The following FGFR2 variants were observed in gnomAD, a reference collection of about 807,000 sequenced individuals.
The protein encoded by FGFR2 is BEK fibroblast growth factor receptor.
In FGFR2, 19 loss-of-function variants were observed where a neutral mutation model predicts 95.9. The observed-to-expected ratio is 0.20, with a 90% CI of 0.14 to 0.29. The LOEUF (loss-of-function observed/expected upper bound fraction) is 0.29. Among genes scored for constraint, FGFR2 ranks in the 10% least tolerant of loss-of-function variants. The pLI, the probability that FGFR2 is intolerant of heterozygous loss-of-function variation, is 1.00. For synonymous variants in FGFR2, 392 were observed against 393.3 expected (o/e 1.00, Z 0.04); for missense variants, 707 against 1,056.9 (o/e 0.67, Z 4.59).
At chr10:121,511,190 A>C (rs922433193) in intron 9 of FGFR2, among the ~76,000 whole-genome samples, 5 of 152,024 alleles carry the variant, frequency 3.3e-5, no homozygotes, top group African/African-American at 7.2e-5. Flanking sequence ...CAAAAAAAAA[A>C]CCACCCTGCA....
In FGFR2 at chr10:121,520,707, A is replaced by G. The variant is rs568351697; in HGVS notation, c.749-538T>C. Among the ~76,000 whole-genome samples the G allele has an allele frequency of 5.3e-5, 8 of 152,280 alleles. 1 individual carries two copies. Among genetic ancestry groups the G allele is most frequent in the Middle Eastern group, 6.8e-3 (2 of 294 alleles). ...GCCCAGGCTGGAGTGCAGTGGCATG[A>G]TCACGGCTCACTGCAGCCTCAGCCT... On this transcript the variant is annotated intron_variant, in intron 6 of 17. Coordinates refer to ENST00000358487, the MANE Select transcript of FGFR2 (RefSeq NM_000141.5).
intron 4 of FGFR2, among the ~76,000 whole-genome samples, chr10:121,555,377 CAA>C (rs1376028762): frequency 4.1e-5 from 6 of 146,630 alleles, no homozygotes; most frequent in Non-Finnish European, 7.7e-5. Context: ...CTGTCTCAAT[CAA>C]TCAATCAATC....
At chr10:121,570,207 A>G (rs1858419466) in intron 2 of FGFR2, among the ~76,000 whole-genome samples, 1 of 152,204 alleles carries the variant, frequency 6.6e-6, no homozygotes. Flanking sequence ...CCTTGGGTCC[A>G]TTTGCCGTCC....
At chr10:121,554,132 G>A (rs1855781642) in intron 4 of FGFR2, among the ~76,000 whole-genome samples, 1 of 152,068 alleles carries the variant, frequency 6.6e-6, no homozygotes, top group Admixed American at 6.6e-5. Flanking sequence ...GCAGGGTACG[G>A]GTGCAGTGCT....
chr10:121,564,336 C>A, intron 4 of FGFR2, 166 bp downstream of exon 4: 1 of 668,692 alleles, frequency 1.5e-6, no homozygotes, highest in Non-Finnish European at 2.7e-6. Context: ...TGCAGCAACA[C>A]TGGTTTATTC....
chr10:121,488,183 T>C, intron 13 of FGFR2, 70 bp from the exon 14 acceptor site: 1 of 1,591,106 alleles, frequency 6.3e-7, no homozygotes, highest in South Asian at 1.1e-5. Flanking sequence ...GGAAATATGT[T>C]CATTTCTTAA....
intron 2 of FGFR2, among the ~76,000 whole-genome samples, chr10:121,577,178 T>TATATATAGAGAGAGAGAGAGAG: frequency 2.9e-3 from 15 of 5,210 alleles, no homozygotes; most frequent in Non-Finnish European, 3.7e-3. Context: ...TATATATATA[T>TATATATAGAGAGAGAGAGAGAG]AGAGAGAGAG....
chr10:121,532,455 G>A (rs1852214620), intron 6 of FGFR2, among the ~76,000 whole-genome samples: 1 of 152,174 alleles, frequency 6.6e-6, no homozygotes, highest in South Asian at 2.1e-4. Context: ...GAGCAGGAAT[G>A]ACTGAATCTT....
chr10:121,534,201 C>T lies in FGFR2; in HGVS notation c.748+4391G>A, dbSNP rs138300703. Among the ~76,000 whole-genome samples the T allele has an allele frequency of 3.7e-3, 542 of 147,220 alleles. 4 individuals are homozygous for T. The highest frequency in any genetic ancestry group is 0.03 in the East Asian group (148 of 4,994). ...GCAACCTCTGCCTCCTGCGTTCAAG[C>T]GATTCTCCTGCCTCAGCCTCCTGAG... is the stretch of plus-strand genomic sequence containing the variant. On this transcript the variant is annotated intron_variant, in intron 6 of 17. Coordinates refer to ENST00000358487, the MANE Select transcript of FGFR2 (RefSeq NM_000141.5).
chr10:121,579,696 C>T (rs2135334785), intron 2 of FGFR2, among the ~76,000 whole-genome samples: 1 of 152,296 alleles, frequency 6.6e-6, no homozygotes, highest in South Asian at 2.1e-4. Context: ...AGAACCCCAG[C>T]AGGGCTCAGG....
chr10:121,513,736 CT>C (rs1647013797), intron 9 of FGFR2, among the ~76,000 whole-genome samples: 1 of 152,160 alleles, frequency 6.6e-6, no homozygotes, highest in Non-Finnish European at 1.5e-5. Context: ...ACAGGCCCCT[CT>C]TTTCCATGCT....
chr10:121,483,145 G>A (rs1010453862), intron 17 of FGFR2, among the ~76,000 whole-genome samples: 4 of 152,190 alleles, frequency 2.6e-5, no homozygotes, highest in African/African-American at 7.2e-5. Flanking sequence ...TAAAAATCAT[G>A]TAAGTTGCTC....
At chr10:121,487,247 G>C (rs956393270) in intron 15 of FGFR2, 107 bp downstream of exon 15, 1 of 843,630 alleles carries the variant, frequency 1.2e-6, no homozygotes, top group African/African-American at 1.6e-5. Context: ...CACCTTCTAC[G>C]AATGTGTGAA....
intron 5 of FGFR2, among the ~76,000 whole-genome samples, chr10:121,541,297 C>T (rs1228459996): frequency 6.6e-6 from 1 of 152,160 alleles, no homozygotes; most frequent in Non-Finnish European, 1.5e-5. Flanking sequence ...TGAGCTGTAG[C>T]ATTTTCCAAA....
chr10:121,508,788 G>A (rs1287341868), intron 9 of FGFR2, among the ~76,000 whole-genome samples: 2 of 152,248 alleles, frequency 1.3e-5, no homozygotes, highest in Non-Finnish European at 2.9e-5. Flanking sequence ...AACGTGCAAA[G>A]TCTAAGAAAC....
chr10:121,491,550 C>T (rs1294340053), intron 13 of FGFR2, among the ~76,000 whole-genome samples: 1 of 152,128 alleles, frequency 6.6e-6, no homozygotes, highest in African/African-American at 2.4e-5. Flanking sequence ...ACCCATTTTA[C>T]AGGTGGGGAA....
chr10:121,482,357 C>T (rs544880003), intron 17 of FGFR2, among the ~76,000 whole-genome samples: 40 of 152,318 alleles, frequency 2.6e-4, no homozygotes, highest in African/African-American at 8.7e-4. Context: ...CTTCCTTTAT[C>T]CAGCACAGGC....
intron 2 of FGFR2, among the ~76,000 whole-genome samples, chr10:121,567,542 C>T (rs1461442786): frequency 2.0e-5 from 3 of 152,230 alleles, no homozygotes; most frequent in African/African-American, 7.2e-5. Context: ...AGACCCTGCA[C>T]TTGTGGAGCG....
At chr10:121,534,582 A>T (rs1292755354) in intron 6 of FGFR2, among the ~76,000 whole-genome samples, 3 of 147,384 alleles carry the variant, frequency 2.0e-5, no homozygotes, top group African/African-American at 7.6e-5. Context: ...TTTTAGTAGA[A>T]ACGAGGTTTC....
Sources: gnomAD v4.1 joint callset for allele counts (sites outside exome capture counted in the v4.1 genomes callset) on GRCh38, gnomAD v4.1.1 for gene constraint, MANE v1.5 for transcripts, NCBI Gene and HGNC (gene_info 2026-07-23, HGNC 2026-07-21) for gene names.